The following GCSAML variants were observed in gnomAD, a reference collection of about 807,000 sequenced individuals.
GCSAML encodes germinal center-associated signaling and motility-like protein.
GCSAML carries 9 observed loss-of-function variants against 13.0 expected under a neutral mutation model. The ratio of observed to expected loss-of-function variants is 0.69; its 90% CI spans 0.42 to 1.21. The LOEUF is 1.21. Among genes scored for constraint, GCSAML ranks in the 50% most tolerant of loss-of-function variants. The pLI is 0.00. For missense variants in GCSAML, 143 were observed against 153.4 expected (o/e 0.93, Z 0.36); for synonymous variants, 37 against 52.9 (o/e 0.70, Z 1.31).
At chr1:247,524,601 G>A (rs890216997) in intron 1 of GCSAML, 1 of 152,100 alleles carries the variant, frequency 6.6e-6, no homozygotes, top group Non-Finnish European at 1.5e-5. Flanking sequence ...TCCAATACAG[G>A]CTGCATACAT....
intron 1 of GCSAML, among the ~76,000 whole-genome samples, chr1:247,514,043 TG>T (rs1420543424): frequency 6.6e-6 from 1 of 152,102 alleles, no homozygotes; most frequent in Non-Finnish European, 1.5e-5. Context: ...TGCAGTGGTG[TG>T]ATCTTGGCTC....
intron 1 of GCSAML, among the ~76,000 whole-genome samples, chr1:247,522,616 C>T (rs1272471784): frequency 6.6e-6 from 1 of 152,154 alleles, no homozygotes; most frequent in East Asian, 1.9e-4. Context: ...ACCTTAACCC[C>T]AACCCCATGC....
chr1:247,556,742 G>A (rs545534641), intron 2 of GCSAML, among the ~76,000 whole-genome samples: 3 of 152,280 alleles, frequency 2.0e-5, no homozygotes, highest in African/African-American at 7.2e-5. Flanking sequence ...GTTTTGGTTG[G>A]TTATATGTGG....
At chr1:247,568,397 AGC>A (rs1309992156) in intron 4 of GCSAML, among the ~76,000 whole-genome samples, 1 of 152,176 alleles carries the variant, frequency 6.6e-6, no homozygotes, top group Non-Finnish European at 1.5e-5. Context: ...GCATATGGCT[AGC>A]CAGTTTTCCT....
intron 4 of GCSAML, among the ~76,000 whole-genome samples, chr1:247,571,297 A>G (rs886695509): frequency 6.6e-6 from 1 of 152,166 alleles, no homozygotes; most frequent in Non-Finnish European, 1.5e-5. Context: ...CATAGTGTCA[A>G]TGGACTTTAC....
upstream of GCSAML, among the ~76,000 whole-genome samples, chr1:247,545,242 G>A (rs1339338177): frequency 1.3e-5 from 2 of 152,232 alleles, no homozygotes; most frequent in African/African-American, 2.4e-5. Context: ...CAGTGCACGT[G>A]CTTGGTCTGG....
intron 3 of GCSAML, among the ~76,000 whole-genome samples, chr1:247,565,380 T>C (rs1347716361): frequency 6.6e-6 from 1 of 151,744 alleles, no homozygotes; most frequent in Non-Finnish European, 1.5e-5. Context: ...AAATTGGTAG[T>C]CAATTTCAGA....
intron 2 of GCSAML, among the ~76,000 whole-genome samples, chr1:247,563,083 C>T (rs1259474527): frequency 6.6e-6 from 1 of 150,876 alleles, no homozygotes; most frequent in African/African-American, 2.4e-5. Context: ...CTCCTAACCT[C>T]GTGATCTGCC....
At chr1:247,525,947 A>C (rs1038700850) in intron 1 of GCSAML, 1 of 152,212 alleles carries the variant, frequency 6.6e-6, no homozygotes, top group Non-Finnish European at 1.5e-5. Context: ...TTGAAGACCA[A>C]ATATATGCTT....
chr1:247,515,539 T>C (rs760224193), intron 1 of GCSAML, among the ~76,000 whole-genome samples: 1 of 152,206 alleles, frequency 6.6e-6, no homozygotes, highest in Non-Finnish European at 1.5e-5. Context: ...TAGAAAGAAC[T>C]ACCTGAGACA....
intron 4 of GCSAML, 79 bp downstream of exon 4, chr1:247,566,038 A>G: frequency 2.1e-6 from 2 of 965,144 alleles, no homozygotes; most frequent in Non-Finnish European, 3.0e-6. Context: ...CAAAATACAG[A>G]TGATTTATTC....
chr1:247,553,904 C>A (rs1667861667), intron 1 of GCSAML, among the ~76,000 whole-genome samples: 1 of 152,222 alleles, frequency 6.6e-6, no homozygotes, highest in African/African-American at 2.4e-5. Context: ...AATTACCTAT[C>A]TTTTAATTTC....
intron 1 of GCSAML, chr1:247,525,753 C>T (rs1666654438): frequency 6.6e-6 from 1 of 152,226 alleles, no homozygotes; most frequent in South Asian, 2.1e-4. Context: ...ATCCCTTCTT[C>T]CCTCCATGGA....
intron 1 of GCSAML, among the ~76,000 whole-genome samples, chr1:247,507,883 A>G (rs1665883733): frequency 6.6e-6 from 1 of 152,104 alleles, no homozygotes. Flanking sequence ...CATGGTGTAT[A>G]TGTGTCACAT....
In GCSAML at chr1:247,574,377, C is replaced by T. The variant is rs1453923681; in HGVS notation, c.403C>T (p.His135Tyr). ...HEHDYEVVFP[H>Y] ...GCATGATTATGAAGTTGTGTTTCCA[C>T]ACTAAAATCCTCAAGCTGCTTTATC... The change falls in exon 5 of 5, where the codon CAC (histidine) becomes TAC (tyrosine). Residue 135 changes from histidine to tyrosine, a missense_variant. By Grantham distance (83) the His-to-Tyr change is moderately conservative. Transcript: ENST00000366488. 1 of 1,613,848 alleles carries T rather than the reference C, an allele frequency of 6.2e-7. No individual in the cohort carries two copies. The highest frequency in any genetic ancestry group is 1.7e-5 in the Admixed American group (1 of 60,010).
intron 1 of GCSAML, among the ~76,000 whole-genome samples, chr1:247,551,369 G>C (rs116371384): frequency 4.1e-4 from 63 of 152,330 alleles, no homozygotes; most frequent in African/African-American, 1.4e-3. Context: ...GGAGCATATT[G>C]TTCAGAGATG....
At chr1:247,532,221 C>A (rs1380315620) in intron 2 of GCSAML, 1 of 1,614,168 alleles carries the variant, frequency 6.2e-7, no homozygotes, top group South Asian at 1.1e-5. Flanking sequence ...GGACCACACA[C>A]CCTCCATAGC....
intron 2 of GCSAML, 97 bp from the exon 3 acceptor site, chr1:247,563,493 T>A (rs78593437): frequency 1.0e-5 from 6 of 602,768 alleles, no homozygotes; most frequent in African/African-American, 9.8e-5. Flanking sequence ...AATCTAACAA[T>A]GGCCTTAGGT....
chr1:247,519,021 C>G (rs187908802), intron 1 of GCSAML, among the ~76,000 whole-genome samples: 1 of 152,112 alleles, frequency 6.6e-6, no homozygotes, highest in Non-Finnish European at 1.5e-5. Flanking sequence ...GATTGTGCCA[C>G]TGCACTCCAG....
Sources: allele counts gnomAD v4.1 joint callset (sites outside exome capture counted in the v4.1 genomes callset), GRCh38; gene constraint gnomAD v4.1.1; transcripts MANE v1.5; gene names NCBI Gene and HGNC (gene_info 2026-07-23, HGNC 2026-07-21).